PITPNM2: variants seen among roughly 807,000 people sequenced by gnomAD.
The protein encoded by PITPNM2 is membrane-associated phosphatidylinositol transfer protein 2.
A neutral mutation model predicts 132.2 loss-of-function variants in PITPNM2; 35 were observed. The ratio of observed to expected loss-of-function variants is 0.26; its 90% confidence interval spans 0.20 to 0.35. The LOEUF (loss-of-function observed/expected upper bound fraction) is 0.35. Ranked by LOEUF, PITPNM2 falls within the 10% of genes least tolerant of loss-of-function variation. The pLI is 1.00. For synonymous variants in PITPNM2, 738 were observed against 799.2 expected, an observed-to-expected ratio of 0.92 and a Z score of 1.29; for missense variants, 1,332 against 1,912.0, an observed-to-expected ratio of 0.70 and a Z score of 5.66.
At chr12:123,074,243 G>A (rs1433526904) in intron 2 of PITPNM2, among the ~76,000 whole-genome samples, 1 of 152,196 alleles carries the variant, frequency 6.6e-6, no homozygotes, top group Non-Finnish European at 1.5e-5. Context: ...GATGAGACTT[G>A]GGAAAGTGTC....
At chr12:122,988,444 A>G in intron 19 of PITPNM2, 94 bp from the exon 20 acceptor site, 1 of 1,086,146 alleles carries the variant, frequency 9.2e-7, no homozygotes, top group Non-Finnish European at 1.4e-6. Context: ...GAGCAAGAGG[A>G]GCCTGTGGGT....
At chr12:123,130,027 C>T (rs1347707439) in intron 1 of PITPNM2, among the ~76,000 whole-genome samples, 1 of 151,990 alleles carries the variant, frequency 6.6e-6, no homozygotes, top group Non-Finnish European at 1.5e-5. Flanking sequence ...GCCTTGGCCT[C>T]CCAAGTGCTG....
At chr12:123,132,000 G>C (rs1245856704) in intron 1 of PITPNM2, among the ~76,000 whole-genome samples, 1 of 152,242 alleles carries the variant, frequency 6.6e-6, no homozygotes, top group Non-Finnish European at 1.5e-5. Flanking sequence ...TCCACATTCA[G>C]GCTGTCTGCA....
intron 1 of PITPNM2, among the ~76,000 whole-genome samples, chr12:123,120,672 C>T (rs1238602502): frequency 6.6e-6 from 1 of 152,192 alleles, no homozygotes. Flanking sequence ...TTTGCTGGTA[C>T]AACACCTAGC....
intron 2 of PITPNM2, among the ~76,000 whole-genome samples, chr12:123,053,047 G>A (rs60358140): frequency 0.043 from 6,468 of 151,814 alleles, 459 homozygotes; most frequent in African/African-American, 0.15. Context: ...CACCACACCT[G>A]GCTAATTTTT....
chr12:123,074,417 T>C (rs566319843), intron 2 of PITPNM2, among the ~76,000 whole-genome samples: 100 of 152,066 alleles, frequency 6.6e-4, no homozygotes, highest in Non-Finnish European at 1.1e-3. Context: ...ACATACCCCA[T>C]AGGCACACAC....
In PITPNM2 at chr12:123,023,700, TA is replaced by T. The variant is rs2039752740; in HGVS notation, c.79-9659del. Among the ~76,000 whole-genome samples, 1 of 152,126 alleles carries T rather than the reference TA, an allele frequency of 6.6e-6. No individual in the cohort carries two copies. Among genetic ancestry groups the T allele is most frequent in the African/African-American group, 2.4e-5 (1 of 41,402 alleles). Reference sequence around the variant, plus strand: ...AAACTCTTAAGAGAAAACATAGGCATAAGTCCTATGAACTTGAACTGGCAAT... The same window carrying T: ...AAACTCTTAAGAGAAAACATAGGCATAGTCCTATGAACTTGAACTGGCAAT... On this transcript the variant is annotated intron_variant, in intron 3 of 25. Coordinates refer to ENST00000320201, the MANE Select transcript of PITPNM2 (RefSeq NM_020845.3). The surrounding 1 kb of genome is among the most constrained non-coding windows in gnomAD (Gnocchi z 4.8).
At chr12:123,119,939 G>T (rs2043003232) in intron 1 of PITPNM2, among the ~76,000 whole-genome samples, 1 of 152,020 alleles carries the variant, frequency 6.6e-6, no homozygotes, top group Non-Finnish European at 1.5e-5. Flanking sequence ...CCACCCACGT[G>T]AGGAGGCTGT....
intron 2 of PITPNM2, among the ~76,000 whole-genome samples, chr12:123,100,660 T>C (rs1396297415): frequency 6.6e-6 from 1 of 151,410 alleles, no homozygotes; most frequent in Non-Finnish European, 1.5e-5. Flanking sequence ...CACTGACATA[T>C]GGTACAGCAC....
chr12:123,028,591 G>C (rs1222264632), intron 3 of PITPNM2, among the ~76,000 whole-genome samples: 1 of 152,186 alleles, frequency 6.6e-6, no homozygotes, highest in Non-Finnish European at 1.5e-5. Context: ...CTTGGCACAG[G>C]AAGTGCACAG....
chr12:123,122,810 C>A (rs989024618), intron 1 of PITPNM2, among the ~76,000 whole-genome samples: 2 of 152,170 alleles, frequency 1.3e-5, no homozygotes, highest in Admixed American at 6.5e-5. Flanking sequence ...CTGCCCTTTG[C>A]GGTAGAAAAG....
intron 2 of PITPNM2, among the ~76,000 whole-genome samples, chr12:123,037,178 G>A (rs73411063): frequency 0.043 from 6,519 of 152,288 alleles, 461 homozygotes; most frequent in African/African-American, 0.15. Context: ...TGGCTGGGCC[G>A]AAGTAGCAAG....
intron 10 of PITPNM2, among the ~76,000 whole-genome samples, chr12:122,999,016 C>G (rs985862089): frequency 6.6e-6 from 1 of 151,538 alleles, no homozygotes; most frequent in African/African-American, 2.4e-5. Context: ...GAGGCTGAGG[C>G]AGGAAAATCG....
At position 122,987,797 on chromosome 12, in the gene PITPNM2, C is replaced by T. The variant is rs35456417; in HGVS notation, c.3102G>A (p.Leu1034=). 110 of 1,614,028 alleles carry T rather than the reference C, an allele frequency of 6.8e-5. No individual in the cohort carries two copies. The African/African-American group carries it at 1.2e-3, about 18-fold the overall frequency. ...FMYGPLDMVT[L]TGEKVDVHIM... ...GCCGTGTCCTTACCTTCTCCCCAGT[C>T]AGGGTGACCATGTCCAGGGGCCCAT... Residue 1034 remains leucine, a synonymous_variant, in exon 21 of 26, where the codon CTG becomes CTA. Transcript: ENST00000320201.
At chr12:123,101,462 G>A (rs770226286) in intron 2 of PITPNM2, among the ~76,000 whole-genome samples, 15 of 152,148 alleles carry the variant, frequency 9.9e-5, no homozygotes, top group Non-Finnish European at 2.1e-4. Context: ...CTAGAAAGAC[G>A]GCAATGCTTG....
Position 122,995,380 on chromosome 12 carries a change from C to G in PITPNM2, c.2054+9G>C, listed in dbSNP as rs1162993493. On this transcript the variant is annotated intron_variant, in intron 14 of 25. Transcript: ENST00000320201. ...CAGAGGCAAGCCCCAGCCCCCCAGC[C>G]CTGCCCACCTGGACAGGAAGGCCTG... is the stretch of plus-strand genomic sequence containing the variant. 2.5e-6 allele frequency: 4 copies of G among 1,580,300 alleles called. No individual in the cohort carries two copies. The highest frequency in any genetic ancestry group is 3.4e-6 in the Non-Finnish European group (4 of 1,161,018).
chr12:123,076,262 C>T (rs1288963656), intron 2 of PITPNM2, among the ~76,000 whole-genome samples: 2 of 152,196 alleles, frequency 1.3e-5, no homozygotes, highest in African/African-American at 4.8e-5. Flanking sequence ...GAGGAAGAAA[C>T]AGCACAGACC....
At chr12:123,001,569 G>A (rs567797184) in intron 8 of PITPNM2, among the ~76,000 whole-genome samples, 2 of 152,338 alleles carry the variant, frequency 1.3e-5, no homozygotes, top group South Asian at 4.1e-4. Flanking sequence ...ACACCATGTG[G>A]TCTTGTGTCT....
chr12:123,051,783 G>A (rs1357836910), intron 2 of PITPNM2, among the ~76,000 whole-genome samples: 1 of 152,178 alleles, frequency 6.6e-6, no homozygotes, highest in African/African-American at 2.4e-5. Flanking sequence ...TTTCCAGAGA[G>A]GGCTATATTT....
Sources: allele counts gnomAD v4.1 joint callset (sites outside exome capture counted in the v4.1 genomes callset), GRCh38; gene constraint gnomAD v4.1.1; non-coding constraint Gnocchi (gnomAD v3.1); transcripts MANE v1.5; gene names NCBI Gene and HGNC (gene_info 2026-07-23, HGNC 2026-07-21).